The following SHISA6 variants were observed in gnomAD, a reference collection of about 807,000 sequenced individuals.
The protein encoded by SHISA6 is protein shisa-6.
A neutral mutation model predicts 47.9 loss-of-function variants in SHISA6; 22 were observed. The observed-to-expected ratio is 0.46, with a 90% CI of 0.33 to 0.66. The LOEUF (loss-of-function observed/expected upper bound fraction) is 0.66. SHISA6 is among the 30% of genes least tolerant of loss of function. The pLI is 0.02. For missense variants in SHISA6, 680 were observed against 764.6 expected (o/e 0.89, Z 1.30); for synonymous variants, 388 against 337.8 (o/e 1.15, Z -1.63).
chr17:11,515,437 C>G (rs539763694), intron 3 of SHISA6, among the ~76,000 whole-genome samples: 2 of 151,558 alleles, frequency 1.3e-5, no homozygotes, highest in African/African-American at 4.9e-5. Flanking sequence ...TTTCCTGTCT[C>G]GGGTCGGGTT....
At chr17:11,369,441 A>T (rs185236868) in intron 2 of SHISA6, among the ~76,000 whole-genome samples, 1 of 152,286 alleles carries the variant, frequency 6.6e-6, no homozygotes, top group Admixed American at 6.5e-5. Flanking sequence ...TTTAGTTAAA[A>T]CTCATTCATT....
intron 3 of SHISA6, among the ~76,000 whole-genome samples, chr17:11,431,771 C>G (rs1914783917): frequency 6.6e-6 from 1 of 152,310 alleles, no homozygotes; most frequent in Non-Finnish European, 1.5e-5. Context: ...GAAAGGTAGA[C>G]TTAGGTATTC....
At chr17:11,438,739 A>C (rs1915012419) in intron 3 of SHISA6, among the ~76,000 whole-genome samples, 1 of 152,166 alleles carries the variant, frequency 6.6e-6, no homozygotes, top group African/African-American at 2.4e-5. Context: ...AGTCCATAAC[A>C]ATAACCTTAT....
At chr17:11,437,945 C>T (rs967508537) in intron 3 of SHISA6, among the ~76,000 whole-genome samples, 2 of 152,152 alleles carry the variant, frequency 1.3e-5, no homozygotes, top group Admixed American at 6.5e-5. Flanking sequence ...TTGGAGATAG[C>T]GATCAGATGA....
At chr17:11,245,356 G>A (rs1279519876) in intron 1 of SHISA6, among the ~76,000 whole-genome samples, 2 of 152,196 alleles carry the variant, frequency 1.3e-5, no homozygotes, top group African/African-American at 4.8e-5. Flanking sequence ...CCCGGGCTAA[G>A]GCTCAAGCTG....
At chr17:11,454,628 T>G in intron 3 of SHISA6, among the ~76,000 whole-genome samples, 1 of 152,212 alleles carries the variant, frequency 6.6e-6, no homozygotes, top group East Asian at 1.9e-4. Context: ...CTGCCCGCAC[T>G]GTGAAATGCT....
intron 2 of SHISA6, among the ~76,000 whole-genome samples, chr17:11,284,851 T>C (rs1013251927): frequency 6.6e-6 from 1 of 152,222 alleles, no homozygotes; most frequent in African/African-American, 2.4e-5. Context: ...TTTAGTGATA[T>C]GTTCAACCCA....
intron 1 of SHISA6, among the ~76,000 whole-genome samples, chr17:11,257,760 A>G (rs1466760367): frequency 6.6e-6 from 1 of 152,212 alleles, no homozygotes; most frequent in South Asian, 2.1e-4. Context: ...CAAATAACCC[A>G]TATCCTTTAT....
intron 2 of SHISA6, among the ~76,000 whole-genome samples, chr17:11,282,013 A>G (rs1265262777): frequency 6.6e-5 from 10 of 152,202 alleles, no homozygotes; most frequent in Admixed American, 6.5e-4. Context: ...AGCAATTTCA[A>G]TCTTTGCTTG....
chr17:11,526,113 C>CCCG (rs1387731841), intron 3 of SHISA6, among the ~76,000 whole-genome samples: 1 of 151,830 alleles, frequency 6.6e-6, no homozygotes, highest in African/African-American at 2.4e-5. Flanking sequence ...CAAGGGGACC[C>CCCG]CCCCCCGCTC....
At chr17:11,533,815 A>T (rs945220567) in intron 3 of SHISA6, among the ~76,000 whole-genome samples, 3 of 151,206 alleles carry the variant, frequency 2.0e-5, no homozygotes, top group African/African-American at 7.3e-5. Flanking sequence ...GATGATCTCG[A>T]TCTACTGACC....
At chr17:11,333,601 G>A (rs1302538227) in intron 2 of SHISA6, among the ~76,000 whole-genome samples, 12 of 152,026 alleles carry the variant, frequency 7.9e-5, no homozygotes, top group Admixed American at 5.9e-4. Flanking sequence ...TGCAATCTCC[G>A]CCTCCCGAGG....
At chr17:11,388,790 TTATATATATATATATATATATATATA>T (rs56048344) in intron 3 of SHISA6, among the ~76,000 whole-genome samples, 123 of 50,022 alleles carry the variant, frequency 2.5e-3, no homozygotes, top group Middle Eastern at 0.031. Flanking sequence ...AAACAAAAGT[TTATATATATATATATATATATATATA>T]TATATATATA....
intron 3 of SHISA6, among the ~76,000 whole-genome samples, chr17:11,395,699 G>A (rs371373605): frequency 2.6e-5 from 4 of 151,852 alleles, no homozygotes; most frequent in Admixed American, 6.6e-5. Context: ...TGTATTTATA[G>A]TAGAGACAGG....
intron 3 of SHISA6, among the ~76,000 whole-genome samples, chr17:11,512,509 C>CT (rs1165278107): frequency 6.6e-6 from 1 of 151,882 alleles, no homozygotes; most frequent in Non-Finnish European, 1.5e-5. Flanking sequence ...AAGTCAACTT[C>CT]TTTTTTTTGA....
chr17:11,246,817 G>A (rs1234766558), intron 1 of SHISA6, among the ~76,000 whole-genome samples: 2 of 151,994 alleles, frequency 1.3e-5, no homozygotes, highest in African/African-American at 4.8e-5. Context: ...TAAGACACAT[G>A]TTGCCTTTGA....
At chr17:11,531,452 G>A (rs1405476998) in intron 3 of SHISA6, among the ~76,000 whole-genome samples, 2 of 152,092 alleles carry the variant, frequency 1.3e-5, no homozygotes, top group Non-Finnish European at 2.9e-5. Flanking sequence ...GATACGGTTA[G>A]TGAGGGTTAG....
intron 3 of SHISA6, among the ~76,000 whole-genome samples, chr17:11,455,768 G>A (rs1304549396): frequency 2.6e-5 from 4 of 152,148 alleles, no homozygotes; most frequent in South Asian, 2.1e-4. Flanking sequence ...AGGGCACTAC[G>A]CTGGGTACTA....
In SHISA6 at chr17:11,561,163, AGCCCAACCAGGCT is replaced by A. The variant is rs2072039481; in HGVS notation, c.*2861_*2873del. The A allele has an allele frequency of 6.6e-6, 1 of 152,232 alleles. No homozygotes were observed. The highest frequency in any genetic ancestry group is 6.5e-5 in the Admixed American group (1 of 15,282). 9.4% of individuals were successfully genotyped at this position (152,232 alleles called of 1,614,324 possible). ...CTGGAACCTAGATGCCATGATTTCT[AGCCCAACCAGGCT>A]GGTGGCCTCTACCATACATAGAAGT... On this transcript the variant is annotated 3_prime_UTR_variant, in exon 6 of 6. Transcript: ENST00000441885.
Sources: gnomAD v4.1 joint callset for allele counts (sites outside exome capture counted in the v4.1 genomes callset) on GRCh38, gnomAD v4.1.1 for gene constraint, MANE v1.5 for transcripts, NCBI Gene and HGNC (gene_info 2026-07-23, HGNC 2026-07-21) for gene names.